CLIP2: variants seen among roughly 807,000 people sequenced by gnomAD.
CLIP2 encodes CAP-Gly domain containing linker protein 2, also known as CAP-Gly domain-containing linker protein 2.
A neutral mutation model predicts 111.7 loss-of-function variants in CLIP2; 41 were observed. The observed-to-expected ratio is 0.37, with a 90% CI of 0.29 to 0.48. The LOEUF (loss-of-function observed/expected upper bound fraction) is 0.48. Ranked by LOEUF, CLIP2 falls within the 20% of genes least tolerant of loss-of-function variation. The pLI is 0.99. For missense variants in CLIP2, 1,160 were observed against 1,422.1 expected (o/e 0.82, Z 2.96); for synonymous variants, 660 against 644.2 (o/e 1.02, Z -0.37).
rs781982064 is a variant in CLIP2 at position 74,376,823 on chromosome 7, G to A, written c.2421+1G>A. The stretch of plus-strand genomic sequence containing the variant: ...CCTGTGCTCCTCCCAGCACACCCAC[G>A]TAGGCGCCTGCCCCTCCTGCTGGGG... On this transcript the variant is annotated splice_donor_variant, in intron 10 of 16. Coordinates refer to ENST00000223398, the MANE Select transcript of CLIP2 (RefSeq NM_003388.5). LOFTEE classifies it high-confidence loss of function. The surrounding 1 kb of genome is among the most constrained non-coding windows in gnomAD (Gnocchi z 7.1). 17 of 1,573,270 alleles carry A rather than the reference G, an allele frequency of 1.1e-5. No individual in the cohort carries two copies. The highest frequency in any genetic ancestry group is 1.4e-5 in the Non-Finnish European group (16 of 1,160,658).
chr7:74,376,135 G>C lies in CLIP2; in HGVS notation c.1734G>C (p.Val578=). The change falls in exon 10 of 17, where the codon GTG becomes GTC. Residue 578 remains valine, a synonymous_variant. Transcript: ENST00000223398. The surrounding 1 kb of genome is among the most constrained non-coding windows in gnomAD (Gnocchi z 7.1). ...CCCTGAAGGCCTACCAGGCGGAGGT[G>C]GACAAGCTCCGCGCGGCCAACGAGA... ...EKALKAYQAE[V]DKLRAANEKY... The C allele has an allele frequency of 6.2e-7, 1 of 1,609,298 alleles. No individual in the cohort carries two copies. The highest frequency in any genetic ancestry group is 1.1e-5 in the South Asian group (1 of 90,580).
chr7:74,363,918 G>A (rs981867490), intron 7 of CLIP2, among the ~76,000 whole-genome samples: 5 of 149,666 alleles, frequency 3.3e-5, no homozygotes, highest in African/African-American at 1.2e-4. Context: ...AAAAGGGAGG[G>A]AGGAAGGAAG....
At chr7:74,294,559 G>A (rs1554725834) in intron 1 of CLIP2, among the ~76,000 whole-genome samples, 1 of 152,144 alleles carries the variant, frequency 6.6e-6, no homozygotes, top group African/African-American at 2.4e-5. Flanking sequence ...GGATGAGAGG[G>A]CGGAATTTCC....
chr7:74,400,941 C>T (rs576231283), intron 15 of CLIP2, among the ~76,000 whole-genome samples: 6 of 148,122 alleles, frequency 4.1e-5, no homozygotes, highest in Non-Finnish European at 5.9e-5. Context: ...AGCTCTGTCC[C>T]GGGAACCCTA....
At chr7:74,302,976 G>A (rs571467003) in intron 1 of CLIP2, among the ~76,000 whole-genome samples, 60 of 152,292 alleles carry the variant, frequency 3.9e-4, no homozygotes, top group African/African-American at 1.3e-3. Flanking sequence ...TGTGTTGCCT[G>A]CACAGCTGGG....
intron 4 of CLIP2, among the ~76,000 whole-genome samples, chr7:74,355,758 AC>A (rs1364600266): frequency 6.6e-6 from 1 of 152,208 alleles, no homozygotes; most frequent in Admixed American, 6.5e-5. Flanking sequence ...CTTTTGACTC[AC>A]TTTTGCTTTC....
At chr7:74,372,842 T>TG in intron 8 of CLIP2, 90 bp from the exon 9 acceptor site, 1 of 623,592 alleles carries the variant, frequency 1.6e-6, no homozygotes. Flanking sequence ...CTCTCTCTCT[T>TG]TCTCTCTCTC....
intron 7 of CLIP2, among the ~76,000 whole-genome samples, chr7:74,361,870 G>T (rs1562710397): frequency 6.6e-6 from 1 of 152,094 alleles, no homozygotes; most frequent in Admixed American, 6.6e-5. Context: ...GGAGGCCGAG[G>T]CAGGCGGATC....
At chr7:74,322,549 C>T (rs1002191694) in intron 2 of CLIP2, among the ~76,000 whole-genome samples, 1 of 152,030 alleles carries the variant, frequency 6.6e-6, no homozygotes, top group Non-Finnish European at 1.5e-5. Flanking sequence ...GCACTCCAGC[C>T]TGGGCAACAG....
chr7:74,328,766 T>A (rs1789191768), intron 2 of CLIP2, among the ~76,000 whole-genome samples: 1 of 152,018 alleles, frequency 6.6e-6, no homozygotes, highest in African/African-American at 2.4e-5. Context: ...TTCTTTTCTT[T>A]TATTTCTTTT....
chr7:74,290,095 G>A (rs985054787), intron 1 of CLIP2, among the ~76,000 whole-genome samples: 8 of 152,346 alleles, frequency 5.3e-5, no homozygotes, highest in Middle Eastern at 3.4e-3. Flanking sequence ...CCCTTCCAAG[G>A]GCAGAGCAAG....
chr7:74,299,765 C>A (rs1262422353), intron 1 of CLIP2, among the ~76,000 whole-genome samples: 1 of 151,096 alleles, frequency 6.6e-6, no homozygotes, highest in Non-Finnish European at 1.5e-5. Flanking sequence ...ATGGTGTGAT[C>A]TCGGCTCACC....
At chr7:74,322,581 A>G (rs1165736647) in intron 2 of CLIP2, among the ~76,000 whole-genome samples, 1 of 152,024 alleles carries the variant, frequency 6.6e-6, no homozygotes, top group African/African-American at 2.4e-5. Flanking sequence ...GTCTCAAAAA[A>G]CAAACAGACA....
At chr7:74,358,772 T>C (rs1232378063) in intron 6 of CLIP2, among the ~76,000 whole-genome samples, 1 of 151,936 alleles carries the variant, frequency 6.6e-6, no homozygotes, top group African/African-American at 2.4e-5. Flanking sequence ...AGTCTTGCTA[T>C]GTTGCCCAGG....
At chr7:74,379,758 TC>T (rs1352195012) in intron 10 of CLIP2, among the ~76,000 whole-genome samples, 1 of 150,910 alleles carries the variant, frequency 6.6e-6, no homozygotes, top group Admixed American at 6.6e-5. Context: ...GGAGTGAGAC[TC>T]CATCTCAAAA....
chr7:74,325,264 G>A (rs1352571606), intron 2 of CLIP2, among the ~76,000 whole-genome samples: 1 of 152,170 alleles, frequency 6.6e-6, no homozygotes, highest in Non-Finnish European at 1.5e-5. Context: ...CTCACGCTAG[G>A]AGGTGGTGCA....
chr7:74,398,439 G>C (rs116506742), intron 14 of CLIP2, among the ~76,000 whole-genome samples: 3,302 of 152,282 alleles, frequency 0.022, 115 homozygotes, highest in African/African-American at 0.075. Flanking sequence ...TGAGCCTGGT[G>C]AACGTCACGA....
intron 2 of CLIP2, among the ~76,000 whole-genome samples, chr7:74,333,669 G>A (rs559549487): frequency 6.6e-6 from 1 of 151,912 alleles, no homozygotes; most frequent in Non-Finnish European, 1.5e-5. Context: ...TTTTTGTAGA[G>A]ACAGGGTCTC....
intron 3 of CLIP2, among the ~76,000 whole-genome samples, chr7:74,342,873 A>C (rs968001867): frequency 2.0e-5 from 3 of 152,052 alleles, no homozygotes; most frequent in Admixed American, 6.6e-5. Flanking sequence ...GTCTCTACTA[A>C]AAATACAAAA....
Sources: gnomAD v4.1 joint callset for allele counts (sites outside exome capture counted in the v4.1 genomes callset) on GRCh38, gnomAD v4.1.1 for gene constraint, Gnocchi (gnomAD v3.1) non-coding constraint, MANE v1.5 for transcripts, NCBI Gene and HGNC (gene_info 2026-07-23, HGNC 2026-07-21) for gene names.